The following COG2 variants were observed in gnomAD, a reference collection of about 807,000 sequenced individuals.
COG2 encodes the protein component of oligomeric golgi complex 2, also known as conserved oligomeric Golgi complex subunit 2.
COG2 carries 52 observed loss-of-function variants against 90.6 expected under a neutral mutation model. The ratio of observed to expected loss-of-function variants is 0.57; its 90% CI spans 0.46 to 0.72. The LOEUF (loss-of-function observed/expected upper bound fraction) is 0.72, where lower values mean the gene tolerates loss of function less well. COG2 is among the 30% of genes least tolerant of loss of function. The pLI is 0.00. For missense variants in COG2, 829 were observed against 891.2 expected, an observed-to-expected ratio of 0.93 and a Z score of 0.89; for synonymous variants, 337 against 320.4, an observed-to-expected ratio of 1.05 and a Z score of -0.55.
At chr1:230,678,542 C>G in intron 9 of COG2, 1 of 1,156,284 alleles carries the variant, frequency 8.6e-7, no homozygotes, top group Middle Eastern at 2.7e-4. Flanking sequence ...AGAATTTTCT[C>G]CTTCTTTCTC....
intron 13 of COG2, 186 bp from the exon 14 acceptor site, chr1:230,687,885 T>C: frequency 1.8e-6 from 1 of 542,358 alleles, no homozygotes; most frequent in Middle Eastern, 4.8e-4. Flanking sequence ...ATTTCTCATG[T>C]TGTTGAAATC....
intron 1 of COG2, among the ~76,000 whole-genome samples, chr1:230,658,673 C>T (rs999295966): frequency 1.3e-5 from 2 of 152,160 alleles, no homozygotes; most frequent in Non-Finnish European, 2.9e-5. Context: ...CCCCCAGGTG[C>T]TCTGTCCCAC....
intron 1 of COG2, among the ~76,000 whole-genome samples, chr1:230,648,431 TAAAG>T (rs2102741124): frequency 6.6e-6 from 1 of 152,324 alleles, no homozygotes; most frequent in Non-Finnish European, 1.5e-5. Context: ...GCAACACAAA[TAAAG>T]AATATATTTG....
At position 230,678,973 on chromosome 1, in the gene COG2, A is replaced by G. The variant is rs1234871630; in HGVS notation, c.1087A>G (p.Ser363Gly). ...GGAACGGCAGTGTGGATCACAGGCTAGTGTAAAGAGATTAAGAGCCCATCC... is the reference window on the plus strand; with the variant it reads ...GGAACGGCAGTGTGGATCACAGGCTGGTGTAAAGAGATTAAGAGCCCATCC... Reference protein sequence around the residue: ...RLERQCGSQASVKRLRAHPAY... With the variant: ...RLERQCGSQAGVKRLRAHPAY... The change falls in exon 10 of 18, where the codon AGT becomes GGT. Residue 363 changes from serine (S) to glycine (G), a missense_variant. Transcript: ENST00000366669. 1.9e-6 allele frequency: 3 copies of G among 1,613,316 alleles called. No individual in the cohort carries two copies. The highest frequency in any genetic ancestry group is 2.5e-6 in the Non-Finnish European group (3 of 1,179,598).
At chr1:230,644,576 C>T (rs1661714647) in intron 1 of COG2, among the ~76,000 whole-genome samples, 1 of 152,192 alleles carries the variant, frequency 6.6e-6, no homozygotes, top group Non-Finnish European at 1.5e-5. Flanking sequence ...AATCCACTCT[C>T]TTCTGTTATT....
intron 10 of COG2, chr1:230,682,094 C>G (rs1373599602): frequency 6.6e-6 from 1 of 152,258 alleles, no homozygotes; most frequent in African/African-American, 2.4e-5. Context: ...ATACTGCATA[C>G]TAGTCCATTG....
At chr1:230,658,528 G>T (rs944400107) in intron 1 of COG2, among the ~76,000 whole-genome samples, 2 of 152,170 alleles carry the variant, frequency 1.3e-5, no homozygotes, top group African/African-American at 4.8e-5. Flanking sequence ...ATACACGGGG[G>T]TCAGGGACCC....
intron 8 of COG2, among the ~76,000 whole-genome samples, chr1:230,671,855 G>A (rs1234638116): frequency 6.6e-6 from 1 of 152,214 alleles, no homozygotes; most frequent in African/African-American, 2.4e-5. Context: ...AGCTGAGACT[G>A]AAGACCACAT....
chr1:230,675,836 T>C (rs540226357), intron 9 of COG2, among the ~76,000 whole-genome samples: 241 of 152,174 alleles, frequency 1.6e-3, no homozygotes, highest in Middle Eastern at 3.4e-3. Context: ...TTTCTTTTTC[T>C]GTGGAGATGG....
At chr1:230,672,998 G>T (rs2148964) in intron 8 of COG2, among the ~76,000 whole-genome samples, 40,911 of 152,148 alleles carry the variant, frequency 0.27, 5,734 homozygotes, top group East Asian at 0.49. Context: ...GGCCTTTGCA[G>T]TACCCTCTCT....
intron 5 of COG2, among the ~76,000 whole-genome samples, chr1:230,667,880 TCTG>T (rs930802939): frequency 7.9e-5 from 12 of 152,194 alleles, no homozygotes; most frequent in African/African-American, 2.9e-4. Flanking sequence ...ATACTTCTCC[TCTG>T]CTATTTTACT....
chr1:230,669,428 G>A lies in COG2; in HGVS notation c.667G>A (p.Asp223Asn), dbSNP rs146899485. ...CCTATTAGAAGGCCTTCAGACGTCT[G>A]ACGTCGATATAATACGGCACTGCTT... ...GLLLEGLQTSDVDIIRHCLRT... is the reference protein window; with the variant it reads ...GLLLEGLQTSNVDIIRHCLRT... Residue 223 changes from aspartate to asparagine, a missense_variant, in exon 7 of 18, where the codon GAC (aspartate) becomes AAC (asparagine). Coordinates refer to ENST00000366669, the MANE Select transcript of COG2 (RefSeq NM_007357.3). 1 of 1,614,106 alleles carries A rather than the reference G, an allele frequency of 6.2e-7. No homozygotes were observed. Among genetic ancestry groups the A allele is most frequent in the East Asian group, 2.2e-5 (1 of 44,878 alleles).
chr1:230,680,589 C>G (rs965132289), intron 10 of COG2: 2 of 152,166 alleles, frequency 1.3e-5, no homozygotes, highest in African/African-American at 4.8e-5. Context: ...TCAGCCAGTT[C>G]CCTGAAAGTC....
At chr1:230,685,265 A>G in intron 12 of COG2, 29 bp downstream of exon 12, 1 of 1,609,656 alleles carries the variant, frequency 6.2e-7, no homozygotes, top group Non-Finnish European at 8.5e-7. Context: ...GCTCATCCAT[A>G]ATCAATACTG....
At chr1:230,690,477 C>T (rs552660327) in intron 16 of COG2, among the ~76,000 whole-genome samples, 11 of 152,342 alleles carry the variant, frequency 7.2e-5, no homozygotes, top group African/African-American at 2.2e-4. Context: ...GAGGCCCTTT[C>T]GTTACTCAGA....
chr1:230,686,929 T>C lies in COG2; in HGVS notation c.1381-6T>C. ...AAAGTAGTTAATCAGTGAAATCCTTTTTCAGCTTTCACTCAGGCCCATTTC... is the reference window on the plus strand; with the variant it reads ...AAAGTAGTTAATCAGTGAAATCCTTCTTCAGCTTTCACTCAGGCCCATTTC... On this transcript the variant is annotated splice_polypyrimidine_tract_variant and splice_region_variant and intron_variant, in intron 12 of 17. Transcript: ENST00000366669. The C allele has an allele frequency of 6.6e-7, 1 of 1,505,192 alleles. No individual in the cohort carries two copies. Among genetic ancestry groups the C allele is most frequent in the Non-Finnish European group, 8.9e-7 (1 of 1,121,114 alleles). 93.2% of individuals were successfully genotyped at this position (1,505,192 alleles called of 1,614,324 possible).
chr1:230,669,768 G>A (rs16852184), intron 7 of COG2: 4,127 of 386,104 alleles, frequency 0.011, 138 homozygotes, highest in African/African-American at 0.075. Flanking sequence ...CTGCGGCTCA[G>A]GCTTCAAGGG....
Position 230,693,539 on chromosome 1 carries a change from G to T in COG2, c.*146G>T. On this transcript the variant is annotated 3_prime_UTR_variant, in exon 18 of 18. Coordinates refer to ENST00000366669, the MANE Select transcript of COG2 (RefSeq NM_007357.3). ...CATCACTCCAGCAACACGCCCATGC[G>T]TCTTCTCTCAGCGTATTTGGGTCTT... 2 of 530,876 alleles carry T rather than the reference G, an allele frequency of 3.8e-6. No homozygotes were observed. Among genetic ancestry groups the T allele is most frequent in the East Asian group, 6.3e-5 (2 of 31,852 alleles). The allele number at this position is 530,876 out of a possible 1,614,324, so 32.9% of individuals were successfully genotyped here.
At chr1:230,656,431 G>T (rs560338272) in intron 1 of COG2, among the ~76,000 whole-genome samples, 260 of 152,250 alleles carry the variant, frequency 1.7e-3, no homozygotes, top group African/African-American at 6.1e-3. Context: ...ATTGCACTGT[G>T]GTTTGCGAGT....
Sources: gnomAD v4.1 joint callset for allele counts (sites outside exome capture counted in the v4.1 genomes callset) on GRCh38, gnomAD v4.1.1 for gene constraint, MANE v1.5 for transcripts, NCBI Gene and HGNC (gene_info 2026-07-23, HGNC 2026-07-21) for gene names.